TRPM3: variants seen among roughly 807,000 people sequenced by gnomAD.
TRPM3 encodes long transient receptor potential channel 3.
Under a neutral mutation model 181.2 loss-of-function variants are expected in TRPM3, and 77 were observed. The ratio of observed to expected loss-of-function variants is 0.42; its 90% CI spans 0.35 to 0.51. TRPM3 has a LOEUF of 0.51. TRPM3 is among the 20% of genes least tolerant of loss of function. TRPM3 has a pLI of 0.01. For synonymous variants in TRPM3, 745 were observed against 796.4 expected, an observed-to-expected ratio of 0.94 and a Z score of 1.09; for missense variants, 1,759 against 2,196.7, an observed-to-expected ratio of 0.80 and a Z score of 3.98.
chr9:71,365,039 G>C (rs1343954991), intron 1 of TRPM3, among the ~76,000 whole-genome samples: 1 of 152,126 alleles, frequency 6.6e-6, no homozygotes, highest in Non-Finnish European at 1.5e-5. Flanking sequence ...CACCAGGTCA[G>C]GAAGGGAAAA....
At chr9:71,059,431 C>T (rs142177820) in intron 1 of TRPM3, among the ~76,000 whole-genome samples, 27 of 152,114 alleles carry the variant, frequency 1.8e-4, no homozygotes, top group East Asian at 1.9e-4. Flanking sequence ...GGTTGGACCC[C>T]GATCAGAGCA....
At chr9:70,969,385 G>A (rs751609344) in intron 1 of TRPM3, among the ~76,000 whole-genome samples, 10 of 151,752 alleles carry the variant, frequency 6.6e-5, no homozygotes, top group African/African-American at 9.7e-5. Flanking sequence ...TAATGAAACT[G>A]CACATTTGAC....
At chr9:70,668,926 T>C (rs2062388097) in intron 9 of TRPM3, among the ~76,000 whole-genome samples, 1 of 152,210 alleles carries the variant, frequency 6.6e-6, no homozygotes, top group African/African-American at 2.4e-5. Context: ...GAAAGAAAAG[T>C]ATGATTCCAT....
chr9:71,019,637 A>G (rs575002250), intron 1 of TRPM3, among the ~76,000 whole-genome samples: 16 of 152,250 alleles, frequency 1.1e-4, no homozygotes, highest in Non-Finnish European at 2.2e-4. Context: ...TTGATATTGT[A>G]ATGATGCCAA....
At chr9:71,045,208 T>TG (rs1157036305) in intron 1 of TRPM3, among the ~76,000 whole-genome samples, 1 of 152,110 alleles carries the variant, frequency 6.6e-6, no homozygotes, top group Non-Finnish European at 1.5e-5. Flanking sequence ...GTGATTCTCC[T>TG]GCCTCAGCCT....
At chr9:70,694,839 A>T (rs2069792303) in intron 8 of TRPM3, among the ~76,000 whole-genome samples, 1 of 152,162 alleles carries the variant, frequency 6.6e-6, no homozygotes, top group African/African-American at 2.4e-5. Flanking sequence ...AATGTTGTTC[A>T]TATGTTTTTC....
chr9:70,894,297 C>T (rs1427902546), intron 1 of TRPM3, among the ~76,000 whole-genome samples: 2 of 152,156 alleles, frequency 1.3e-5, no homozygotes, highest in Non-Finnish European at 2.9e-5. Flanking sequence ...ACACTACCAG[C>T]TAGGAGCATA....
intron 6 of TRPM3, chr9:70,825,827 T>C (rs2093521713): frequency 6.6e-6 from 1 of 152,314 alleles, no homozygotes; most frequent in African/African-American, 2.4e-5. Flanking sequence ...GGATGATCAA[T>C]TAGAAAAAGG....
chr9:71,277,814 A>C (rs1172333763), intron 1 of TRPM3, among the ~76,000 whole-genome samples: 1 of 152,242 alleles, frequency 6.6e-6, no homozygotes. Flanking sequence ...TGTAATCCAC[A>C]TACACATGAA....
chr9:71,313,039 A>C (rs987220863), intron 1 of TRPM3, among the ~76,000 whole-genome samples: 2 of 152,096 alleles, frequency 1.3e-5, no homozygotes, highest in African/African-American at 4.8e-5. Flanking sequence ...CCTAATATAA[A>C]CTATGTGATA....
chr9:71,354,773 T>C (rs1011096772), intron 1 of TRPM3, among the ~76,000 whole-genome samples: 7 of 152,200 alleles, frequency 4.6e-5, no homozygotes, highest in African/African-American at 1.7e-4. Flanking sequence ...ATATCCTATA[T>C]AAAATGCTCC....
intron 6 of TRPM3, among the ~76,000 whole-genome samples, chr9:70,788,473 T>C (rs1307269579): frequency 1.3e-5 from 2 of 152,026 alleles, no homozygotes; most frequent in East Asian, 1.9e-4. Context: ...CCCAGTTATA[T>C]TGATTGGCTA....
intron 1 of TRPM3, among the ~76,000 whole-genome samples, chr9:70,888,362 GGTGTGTGTGTGTGTGT>G (rs71367235): frequency 2.8e-5 from 4 of 143,624 alleles, no homozygotes; most frequent in Non-Finnish European, 4.6e-5. Flanking sequence ...TTTATTTTGG[GGTGTGTGTGTGTGTGT>G]GTGTGTGTGT....
chr9:71,010,901 A>G (rs1225011922), intron 1 of TRPM3, among the ~76,000 whole-genome samples: 2 of 145,458 alleles, frequency 1.4e-5, no homozygotes, highest in Non-Finnish European at 3.0e-5. Context: ...AGATGACTTT[A>G]TAAAGAAAAT....
chr9:70,851,971 TCACTGGGTGCAGTGGCG>T (rs1243999067), intron 3 of TRPM3, among the ~76,000 whole-genome samples: 1 of 150,810 alleles, frequency 6.6e-6, no homozygotes, highest in East Asian at 1.9e-4. Flanking sequence ...TACAAAAAAT[TCACTGGGTGCAGTGGCG>T]CGCACCTGTA....
chr9:71,432,245 A>G (rs996644195), intron 1 of TRPM3, among the ~76,000 whole-genome samples: 29 of 152,036 alleles, frequency 1.9e-4, no homozygotes, highest in African/African-American at 6.8e-4. Flanking sequence ...CTCCAGTTAT[A>G]CAAGATACAG....
At chr9:71,252,858 T>C (rs914231703) in intron 1 of TRPM3, among the ~76,000 whole-genome samples, 25 of 147,154 alleles carry the variant, frequency 1.7e-4, no homozygotes, top group Admixed American at 3.4e-4. Context: ...TTTTTTTTTT[T>C]TTTTTTTTTT....
intron 15 of TRPM3, among the ~76,000 whole-genome samples, 156 bp downstream of exon 15, chr9:70,621,088 C>G (rs1051280933): frequency 5.6e-5 from 8 of 143,058 alleles, no homozygotes; most frequent in Non-Finnish European, 1.1e-4. Context: ...ATTATATATA[C>G]TATATATTTA....
chr9:71,169,895 G>A (rs1345703565), intron 1 of TRPM3, among the ~76,000 whole-genome samples: 1 of 150,032 alleles, frequency 6.7e-6, no homozygotes, highest in Admixed American at 6.7e-5. Flanking sequence ...CCAGCTACTA[G>A]GGAAGCTGAG....
Sources: allele counts gnomAD v4.1 joint callset (sites outside exome capture counted in the v4.1 genomes callset), GRCh38; gene constraint gnomAD v4.1.1; transcripts MANE v1.5; gene names NCBI Gene and HGNC (gene_info 2026-07-23, HGNC 2026-07-21).